ITCH: variants seen among roughly 807,000 people sequenced by gnomAD.
ITCH encodes E3 ubiquitin-protein ligase Itchy homolog.
A neutral mutation model predicts 126.8 loss-of-function variants in ITCH; 28 were observed. The observed-to-expected ratio is 0.22, with a 90% confidence interval of 0.16 to 0.30. The LOEUF is 0.30. Among genes scored for constraint, ITCH ranks in the 10% least tolerant of loss-of-function variants. The probability of loss-of-function intolerance (pLI) is 1.00; values close to 1 mark genes in which losing one functional copy is unlikely to be tolerated. For synonymous variants in ITCH, 342 were observed against 340.0 expected, an observed-to-expected ratio of 1.01 and a Z score of -0.06; for missense variants, 631 against 1,032.4, an observed-to-expected ratio of 0.61 and a Z score of 5.33.
At chr20:34,437,275 G>GA (rs1220967537) in intron 7 of ITCH, among the ~76,000 whole-genome samples, 1 of 152,002 alleles carries the variant, frequency 6.6e-6, no homozygotes, top group South Asian at 2.1e-4. Context: ...ATGTTTTACA[G>GA]AAAAAAAATT....
At chr20:34,401,615 C>T in intron 3 of ITCH, 1 of 981,212 alleles carries the variant, frequency 1.0e-6, no homozygotes, top group Non-Finnish European at 1.2e-6. Context: ...TCCTAAAAGC[C>T]CCAGATGGGG....
At chr20:34,385,210 TGTGTGTGTGTGG>T (rs1218125728) in intron 2 of ITCH, among the ~76,000 whole-genome samples, 61 of 141,744 alleles carry the variant, frequency 4.3e-4, no homozygotes, top group African/African-American at 1.5e-3. Flanking sequence ...TGTGTGTGTG[TGTGTGTGTGTGG>T]TTTTTTTTTT....
At chr20:34,413,538 T>C (rs1056554431) in intron 5 of ITCH, among the ~76,000 whole-genome samples, 4 of 152,176 alleles carry the variant, frequency 2.6e-5, no homozygotes, top group Non-Finnish European at 5.9e-5. Context: ...TATGAAACAT[T>C]AGCATATTTT....
Position 34,480,609 on chromosome 20 carries a change from A to G in ITCH, c.1829A>G (p.His610Arg), listed in dbSNP as rs755290439. The G allele has an allele frequency of 6.2e-7, 1 of 1,613,834 alleles. No individual in the cohort carries two copies. Among genetic ancestry groups the G allele is most frequent in the South Asian group, 1.1e-5 (1 of 91,074 alleles). ...IGRFIAMALF[H>R]GKFIDTGFSL... ...TTCCTTTTTTCATAGGCTCTGTTCC[A>G]TGGGAAATTCATAGACACGGGTTTT... Residue 610 changes from histidine to arginine, a missense_variant, in exon 19 of 25, where the codon CAT (histidine) becomes CGT (arginine). His to Arg is a conservative substitution (Grantham distance 29, BLOSUM62 0). Transcript: ENST00000374864.
At chr20:34,399,825 G>A (rs139792540) in intron 3 of ITCH, among the ~76,000 whole-genome samples, 2 of 152,142 alleles carry the variant, frequency 1.3e-5, no homozygotes, top group African/African-American at 2.4e-5. Flanking sequence ...GCACAGTCAC[G>A]GTTCACTGCA....
At chr20:34,386,043 T>A (rs2038270261) in intron 2 of ITCH, among the ~76,000 whole-genome samples, 1 of 152,202 alleles carries the variant, frequency 6.6e-6, no homozygotes, top group Non-Finnish European at 1.5e-5. Flanking sequence ...AATAAACTTT[T>A]ATTCCTTCTA....
chr20:34,493,821 C>T (rs1228074705), intron 23 of ITCH, among the ~76,000 whole-genome samples: 1 of 152,184 alleles, frequency 6.6e-6, no homozygotes, highest in African/African-American at 2.4e-5. Context: ...GAAGTTGAAT[C>T]ATCAGAGCAG....
intron 23 of ITCH, among the ~76,000 whole-genome samples, chr20:34,501,767 C>G (rs1258212790): frequency 1.6e-5 from 2 of 127,396 alleles, no homozygotes; most frequent in Non-Finnish European, 3.4e-5. Flanking sequence ...AAGAGCGAAA[C>G]TCCATCTCTC....
intron 22 of ITCH, 91 bp from the exon 23 acceptor site, chr20:34,492,410 T>C: frequency 5.5e-6 from 5 of 910,658 alleles, no homozygotes; most frequent in South Asian, 2.8e-5. Context: ...CTAAAAAAAA[T>C]AAAAGATTTG....
chr20:34,417,463 G>T (rs1330208181), intron 6 of ITCH, among the ~76,000 whole-genome samples: 2 of 142,684 alleles, frequency 1.4e-5, no homozygotes, highest in South Asian at 2.2e-4. Flanking sequence ...GCAATGGCAC[G>T]ATCTCGGCTC....
intron 4 of ITCH, 106 bp downstream of exon 4, chr20:34,408,898 C>A: frequency 1.8e-6 from 2 of 1,135,960 alleles, no homozygotes; most frequent in Non-Finnish European, 2.5e-6. Context: ...TGTTGTTCCT[C>A]CTTTCTCTCT....
chr20:34,477,918 C>G (rs958971527), intron 17 of ITCH, 58 bp downstream of exon 17: 1 of 1,602,636 alleles, frequency 6.2e-7, no homozygotes, highest in African/African-American at 1.3e-5. Flanking sequence ...TACCATTGCA[C>G]TTCGCTTGCA....
chr20:34,466,454 C>A, intron 14 of ITCH: 1 of 488,826 alleles, frequency 2.0e-6, no homozygotes, highest in Non-Finnish European at 4.0e-6. Context: ...ACATTAACAA[C>A]TTTTATATTT....
intron 3 of ITCH, among the ~76,000 whole-genome samples, chr20:34,403,699 G>A (rs1465173365): frequency 6.6e-6 from 1 of 152,122 alleles, no homozygotes; most frequent in Admixed American, 6.5e-5. Flanking sequence ...AAATACTCTG[G>A]AAGCATGGAG....
At position 34,492,526 on chromosome 20, in the gene ITCH, A is replaced by G. The variant is rs1420460046; in HGVS notation, c.2345A>G (p.Lys782Arg). Reference sequence around the variant, plus strand: ...TTTGTTAAAGAAATTGATAATGAGAAGAGAATGAGACTTCTGCAGTTTGTT... The same window carrying G: ...TTTGTTAAAGAAATTGATAATGAGAGGAGAATGAGACTTCTGCAGTTTGTT... The part of the protein sequence containing the change: ...WQFVKEIDNE[K>R]RMRLLQFVTG... Residue 782 changes from lysine (K) to arginine (R), a missense_variant, in exon 23 of 25, where the codon AAG becomes AGG. By Grantham distance (26) the Lys-to-Arg change is conservative. Transcript: ENST00000374864. 6.2e-7 allele frequency: 1 copy of G among 1,611,098 alleles called. No individual in the cohort carries two copies. Among genetic ancestry groups the G allele is most frequent in the Admixed American group, 1.7e-5 (1 of 60,030 alleles).
At chr20:34,486,768 C>T (rs528521322) in intron 20 of ITCH, among the ~76,000 whole-genome samples, 18 of 144,276 alleles carry the variant, frequency 1.2e-4, no homozygotes, top group African/African-American at 4.6e-4. Flanking sequence ...TGAAATCTTG[C>T]CTCACGGCAG....
chr20:34,372,340 G>T (rs1218817153), intron 2 of ITCH, among the ~76,000 whole-genome samples: 3 of 130,696 alleles, frequency 2.3e-5, no homozygotes, highest in Admixed American at 8.2e-5. Context: ...GCTTCATAAT[G>T]TCTGATGCTT....
chr20:34,448,456 G>A (rs929137130), intron 11 of ITCH, among the ~76,000 whole-genome samples: 2 of 152,036 alleles, frequency 1.3e-5, no homozygotes, highest in Non-Finnish European at 2.9e-5. Flanking sequence ...ATGTAGTAGA[G>A]GTGAAATAAT....
intron 23 of ITCH, among the ~76,000 whole-genome samples, chr20:34,497,674 G>A (rs1989977955): frequency 6.6e-6 from 1 of 152,008 alleles, no homozygotes; most frequent in African/African-American, 2.4e-5. Context: ...TGCCTCCCGG[G>A]TTCAAGTGAT....
Sources: allele counts gnomAD v4.1 joint callset (sites outside exome capture counted in the v4.1 genomes callset), GRCh38; gene constraint gnomAD v4.1.1; transcripts MANE v1.5; gene names NCBI Gene and HGNC (gene_info 2026-07-23, HGNC 2026-07-21).